CDH8: variants seen among roughly 807,000 people sequenced by gnomAD.
CDH8 encodes the protein cadherin 8, also known as cadherin-8.
CDH8 carries 17 observed loss-of-function variants against 68.1 expected under a neutral mutation model. The ratio of observed to expected loss-of-function variants is 0.25; its 90% CI spans 0.17 to 0.37. The LOEUF is 0.37. Ranked by LOEUF, CDH8 falls within the 10% of genes least tolerant of loss-of-function variation. CDH8 has a pLI of 1.00. For missense variants in CDH8, 763 were observed against 999.3 expected (o/e 0.76, Z 3.19); for synonymous variants, 372 against 365.1 (o/e 1.02, Z -0.21).
At chr16:61,701,732 A>T (rs1401832865) in intron 10 of CDH8, among the ~76,000 whole-genome samples, 3 of 152,192 alleles carry the variant, frequency 2.0e-5, no homozygotes, top group Non-Finnish European at 4.4e-5. Context: ...GTTGATGTGC[A>T]ATTTTTTTCA....
At chr16:61,990,969 AAGAG>A (rs551197367) in intron 2 of CDH8, among the ~76,000 whole-genome samples, 5 of 148,960 alleles carry the variant, frequency 3.4e-5, no homozygotes, top group South Asian at 4.2e-4. Context: ...GAAAGAAAGA[AAGAG>A]AAAGAAAGGA....
At chr16:61,765,578 C>T (rs1809274513) in intron 8 of CDH8, among the ~76,000 whole-genome samples, 1 of 151,988 alleles carries the variant, frequency 6.6e-6, no homozygotes, top group African/African-American at 2.4e-5. Context: ...TTCAAAAATG[C>T]TCTTAGATTA....
chr16:61,762,694 T>G (rs1169987716), intron 8 of CDH8, among the ~76,000 whole-genome samples: 4 of 152,166 alleles, frequency 2.6e-5, no homozygotes, highest in Non-Finnish European at 4.4e-5. Flanking sequence ...ATGCTAAACT[T>G]TCAGAGACAT....
At chr16:61,813,362 T>C (rs532322376) in intron 7 of CDH8, among the ~76,000 whole-genome samples, 26 of 152,304 alleles carry the variant, frequency 1.7e-4, no homozygotes, top group Admixed American at 1.4e-3. Context: ...TGTGTGATAC[T>C]GGGCAAGTTA....
intron 3 of CDH8, among the ~76,000 whole-genome samples, chr16:61,870,204 T>C (rs1963330756): frequency 1.3e-5 from 2 of 152,188 alleles, no homozygotes; most frequent in Non-Finnish European, 2.9e-5. Context: ...ACCAAGTTCT[T>C]GTCTCATTGT....
At chr16:61,827,994 C>CT (rs1484339661) in intron 4 of CDH8, among the ~76,000 whole-genome samples, 8 of 151,818 alleles carry the variant, frequency 5.3e-5, no homozygotes, top group African/African-American at 1.9e-4. Context: ...TAAAATAAGG[C>CT]TGAGACCTTC....
intron 3 of CDH8, among the ~76,000 whole-genome samples, chr16:61,871,157 C>G (rs895538698): frequency 1.3e-5 from 2 of 151,940 alleles, no homozygotes. Flanking sequence ...CATACACACA[C>G]ATACACACAC....
chr16:61,914,971 A>G (rs574383172), intron 2 of CDH8, among the ~76,000 whole-genome samples: 1 of 152,324 alleles, frequency 6.6e-6, no homozygotes, highest in Non-Finnish European at 1.5e-5. Context: ...ATAATTAGTC[A>G]CAGCAACAAC....
intron 2 of CDH8, among the ~76,000 whole-genome samples, chr16:61,905,203 C>T (rs1964041723): frequency 6.6e-6 from 1 of 152,124 alleles, no homozygotes; most frequent in Admixed American, 6.6e-5. Context: ...ACATGCAATC[C>T]CGCCTGGGCA....
rs138786549 is a variant in CDH8, at chr16:61,737,188, T to C, written c.1415-9973A>G. Among the ~76,000 whole-genome samples the C allele has an allele frequency of 3.6e-3, 550 of 152,308 alleles. 2 individuals are homozygous for C. Among genetic ancestry groups the C allele is most frequent in the South Asian group, 8.5e-3 (41 of 4,832 alleles). On this transcript the variant is annotated intron_variant, in intron 8 of 11. Coordinates refer to ENST00000577390, the MANE Select transcript of CDH8 (RefSeq NM_001796.5). ...GGAATTTGCTTTTAACTGGTTTCCA[T>C]GAGCTGCTGTTTTTGCAGGCATCGA...
At chr16:61,902,620 A>G (rs1963995175) in intron 2 of CDH8, among the ~76,000 whole-genome samples, 1 of 151,222 alleles carries the variant, frequency 6.6e-6, no homozygotes, top group Admixed American at 6.6e-5. Context: ...AAACTCCTAG[A>G]AATTCAAAAG....
intron 10 of CDH8, among the ~76,000 whole-genome samples, chr16:61,676,107 A>G (rs1448160934): frequency 6.7e-6 from 1 of 150,312 alleles, no homozygotes; most frequent in Non-Finnish European, 1.5e-5. Context: ...GCATGACTAG[A>G]TTTAAAAACT....
At position 61,652,972 on chromosome 16, in the gene CDH8, A is replaced by T. The variant is rs1428738396; in HGVS notation, c.*636T>A. 6 of 1,501,296 alleles carry T rather than the reference A, an allele frequency of 4.0e-6. No individual in the cohort carries two copies. The highest frequency in any genetic ancestry group is 5.3e-6 in the Non-Finnish European group (6 of 1,130,840). 93.0% of individuals were successfully genotyped at this position (1,501,296 alleles called of 1,614,324 possible). A position where few individuals can be genotyped will look rare whatever the true frequency, so the allele number is the denominator to read the frequency against. Reference sequence around the variant, plus strand: ...ATTGGCAAGCCCCACCCTGGAATGGATTACGAACATGTGAATATTTTAAGG... The same window carrying T: ...ATTGGCAAGCCCCACCCTGGAATGGTTTACGAACATGTGAATATTTTAAGG... On this transcript the variant is annotated 3_prime_UTR_variant, in exon 12 of 12. Transcript: ENST00000577390.
chr16:61,982,631 G>C (rs1965557855), intron 2 of CDH8, among the ~76,000 whole-genome samples: 1 of 152,170 alleles, frequency 6.6e-6, no homozygotes, highest in African/African-American at 2.4e-5. Context: ...AACTCGATAA[G>C]TTAATGTGTA....
intron 10 of CDH8, among the ~76,000 whole-genome samples, chr16:61,678,404 T>C (rs1015444446): frequency 3.6e-4 from 54 of 152,074 alleles, no homozygotes; most frequent in Non-Finnish European, 1.2e-4. Flanking sequence ...TGCAACTTCC[T>C]CTCAACACTA....
chr16:61,661,422 C>T (rs149423272), intron 10 of CDH8, among the ~76,000 whole-genome samples: 1 of 151,564 alleles, frequency 6.6e-6, no homozygotes, highest in African/African-American at 2.4e-5. Context: ...TGGAATGAAA[C>T]TAATAATAGG....
chr16:61,809,317 T>C (rs2142998705), intron 7 of CDH8, among the ~76,000 whole-genome samples: 1 of 152,230 alleles, frequency 6.6e-6, no homozygotes, highest in South Asian at 2.1e-4. Flanking sequence ...GTCCCTCTAG[T>C]AAGCTCTTTA....
In CDH8 at chr16:61,738,494, G is replaced by C. The variant is rs555109093; in HGVS notation, c.1415-11279C>G. ...ATTTACGGTTGTAAAATTTTAATCC[G>C]ATGGGGAAAAGATTTAGAGCTACTG... On this transcript the variant is annotated intron_variant, in intron 8 of 11. Transcript: ENST00000577390. 3.9e-5 allele frequency among the ~76,000 whole-genome samples: 6 copies of C among 152,204 alleles called. No individual in the cohort carries two copies. The South Asian group carries it at 1.2e-3, about 32-fold the overall frequency.
At chr16:61,783,005 C>T (rs1440341431) in intron 8 of CDH8, among the ~76,000 whole-genome samples, 69 of 150,512 alleles carry the variant, frequency 4.6e-4, no homozygotes, top group African/African-American at 1.7e-3. Context: ...AACAGAAAAA[C>T]TGGAAACTCT....
Sources: allele counts gnomAD v4.1 joint callset (sites outside exome capture counted in the v4.1 genomes callset), GRCh38; gene constraint gnomAD v4.1.1; transcripts MANE v1.5; gene names NCBI Gene and HGNC (gene_info 2026-07-23, HGNC 2026-07-21).